Variants in PLXDC2 observed in about 807,000 individuals in gnomAD.
PLXDC2 encodes the protein plexin domain containing 2.
Under a neutral mutation model 68.9 loss-of-function variants are expected in PLXDC2, and 40 were observed. The ratio of observed to expected loss-of-function variants is 0.58; its 90% confidence interval spans 0.45 to 0.76. The LOEUF (loss-of-function observed/expected upper bound fraction) is 0.76. Among genes scored for constraint, PLXDC2 ranks in the 30% least tolerant of loss-of-function variants. The pLI is 0.00. For missense variants in PLXDC2, 644 were observed against 661.9 expected (o/e 0.97, Z 0.30); for synonymous variants, 243 against 234.2 (o/e 1.04, Z -0.34).
At chr10:19,964,020 A>T (rs1834205018) in intron 1 of PLXDC2, among the ~76,000 whole-genome samples, 1 of 152,204 alleles carries the variant, frequency 6.6e-6, no homozygotes, top group Non-Finnish European at 1.5e-5. Context: ...AATATAAAGA[A>T]TATGGCAACT....
chr10:19,909,694 A>G (rs1158487510), intron 1 of PLXDC2, among the ~76,000 whole-genome samples: 2 of 152,216 alleles, frequency 1.3e-5, no homozygotes, highest in African/African-American at 4.8e-5. Flanking sequence ...ATAAAACATG[A>G]TCCCTACTTT....
At chr10:20,085,488 T>C (rs1456836263) in intron 4 of PLXDC2, among the ~76,000 whole-genome samples, 1 of 152,178 alleles carries the variant, frequency 6.6e-6, no homozygotes, top group African/African-American at 2.4e-5. Context: ...TTAAGCTGAA[T>C]TTGCATAGCA....
intron 1 of PLXDC2, among the ~76,000 whole-genome samples, chr10:19,937,564 A>ATATATATATT (rs1554846759): frequency 2.1e-5 from 3 of 140,564 alleles, no homozygotes; most frequent in Admixed American, 7.0e-5. Context: ...ATATATATAT[A>ATATATATATT]TATATATATA....
chr10:20,264,696 A>C (rs1053979821), intron 13 of PLXDC2, among the ~76,000 whole-genome samples: 1 of 152,112 alleles, frequency 6.6e-6, no homozygotes, highest in Non-Finnish European at 1.5e-5. Flanking sequence ...GTATTACAAG[A>C]AATAAAAGGT....
At chr10:20,129,049 A>C (rs1489682189) in intron 4 of PLXDC2, among the ~76,000 whole-genome samples, 2 of 152,126 alleles carry the variant, frequency 1.3e-5, no homozygotes, top group African/African-American at 4.8e-5. Flanking sequence ...AATTTTGTGG[A>C]AATCCTCTGC....
chr10:20,008,409 C>G (rs1046606440), intron 2 of PLXDC2, among the ~76,000 whole-genome samples: 1 of 152,040 alleles, frequency 6.6e-6, no homozygotes, highest in African/African-American at 2.4e-5. Context: ...ACAAAATTAG[C>G]CAGGCATGGT....
In PLXDC2 at chr10:19,844,027, T is replaced by C. The variant is rs77511902; in HGVS notation, c.112+26836T>C. Among the ~76,000 whole-genome samples, 140 of 152,244 alleles carry C rather than the reference T, an allele frequency of 9.2e-4. 4 individuals carry two copies. The East Asian group carries it at 0.026, about 29-fold the overall frequency. On this transcript the variant is annotated intron_variant, in intron 1 of 13. Transcript: ENST00000377252. ...TATATTCTACACATGTGACAAAATA[T>C]GGCATGTATTCTGCAAATACGTAAA...
intron 1 of PLXDC2, among the ~76,000 whole-genome samples, chr10:19,894,672 C>T (rs893320478): frequency 2.0e-5 from 3 of 152,036 alleles, no homozygotes; most frequent in Non-Finnish European, 4.4e-5. Flanking sequence ...AAAGTTCTGG[C>T]ATACAAATGC....
chr10:20,127,251 T>C (rs1272767663), intron 4 of PLXDC2, among the ~76,000 whole-genome samples: 1 of 152,120 alleles, frequency 6.6e-6, no homozygotes, highest in African/African-American at 2.4e-5. Context: ...AGTGAAGAGA[T>C]TGTCAGCACA....
intron 1 of PLXDC2, among the ~76,000 whole-genome samples, chr10:19,820,042 C>T (rs1836433413): frequency 6.6e-6 from 1 of 152,076 alleles, no homozygotes; most frequent in Non-Finnish European, 1.5e-5. Flanking sequence ...TTTCTTTTTC[C>T]TTTAGAGAAC....
chr10:20,063,300 T>A (rs1046858023), intron 3 of PLXDC2, among the ~76,000 whole-genome samples: 1 of 152,226 alleles, frequency 6.6e-6, no homozygotes, highest in Admixed American at 6.5e-5. Context: ...GGATTATTTC[T>A]TATAAAGCTG....
intron 4 of PLXDC2, among the ~76,000 whole-genome samples, chr10:20,142,707 T>C (rs1231376526): frequency 1.3e-5 from 2 of 151,400 alleles, no homozygotes; most frequent in African/African-American, 4.8e-5. Context: ...ATATAGACTT[T>C]ATCTTCTTGA....
At chr10:19,920,814 T>C (rs1164805862) in intron 1 of PLXDC2, among the ~76,000 whole-genome samples, 4 of 152,342 alleles carry the variant, frequency 2.6e-5, no homozygotes, top group Middle Eastern at 3.4e-3. Context: ...GGCCTAATCC[T>C]CCCTAAGTGC....
At chr10:20,150,723 T>A (rs777214747) in intron 6 of PLXDC2, among the ~76,000 whole-genome samples, 7 of 152,174 alleles carry the variant, frequency 4.6e-5, no homozygotes, top group Non-Finnish European at 1.0e-4. Context: ...AAACAGAAAT[T>A]TGTGTTCTTA....
chr10:19,846,811 A>G (rs370277127), intron 1 of PLXDC2, among the ~76,000 whole-genome samples: 13 of 152,238 alleles, frequency 8.5e-5, no homozygotes, highest in African/African-American at 2.9e-4. Flanking sequence ...CTGTTTTCAC[A>G]CTGCTAAGAG....
intron 4 of PLXDC2, among the ~76,000 whole-genome samples, chr10:20,136,030 A>C (rs2131781177): frequency 6.6e-6 from 1 of 152,260 alleles, no homozygotes; most frequent in East Asian, 1.9e-4. Context: ...TGGAATTATA[A>C]AGGGAAAGTA....
intron 1 of PLXDC2, among the ~76,000 whole-genome samples, chr10:19,920,191 G>C (rs576770895): frequency 6.6e-6 from 1 of 152,308 alleles, no homozygotes; most frequent in East Asian, 1.9e-4. Flanking sequence ...GGGAAGGGAA[G>C]AGCATGGTCC....
In PLXDC2 at chr10:20,289,064, G is replaced by C. The variant is rs538558103; in HGVS notation, c.*9245G>C. 1 of 152,108 alleles carries C rather than the reference G, an allele frequency of 6.6e-6. No homozygotes were observed. Among genetic ancestry groups the C allele is most frequent in the Non-Finnish European group, 1.5e-5 (1 of 68,006 alleles). The allele number at this position is 152,108 out of a possible 1,614,324, so 9.4% of individuals were successfully genotyped here. A position where few individuals can be genotyped will look rare whatever the true frequency, so the allele number is the denominator to read the frequency against. ...TTTGTTTTAATTTCTTAAATACCTT[G>C]TCTTTCAACATACGTTTTGTTTCCT... On this transcript the variant is annotated 3_prime_UTR_variant, in exon 14 of 14. Transcript: ENST00000377252.
intron 1 of PLXDC2, among the ~76,000 whole-genome samples, chr10:19,860,235 C>A (rs1026184953): frequency 3.3e-5 from 5 of 152,090 alleles, no homozygotes; most frequent in African/African-American, 1.2e-4. Context: ...TTGATCTGAA[C>A]AATTATGTTT....
Sources: gnomAD v4.1 joint callset for allele counts (sites outside exome capture counted in the v4.1 genomes callset) on GRCh38, gnomAD v4.1.1 for gene constraint, MANE v1.5 for transcripts, NCBI Gene and HGNC (gene_info 2026-07-23, HGNC 2026-07-21) for gene names.